BTBD9: variants seen among roughly 807,000 people sequenced by gnomAD.
The protein encoded by BTBD9 is BTB domain containing 9, also known as BTB/POZ domain-containing protein 9.
BTBD9 carries 49 observed loss-of-function variants against 64.3 expected under a neutral mutation model. The observed-to-expected ratio is 0.76, with a 90% CI of 0.61 to 0.97. BTBD9 has a LOEUF of 0.97. BTBD9 is among the 50% of genes least tolerant of loss of function. The pLI is 0.00. For synonymous variants in BTBD9, 260 were observed against 274.7 expected, an observed-to-expected ratio of 0.95 and a Z score of 0.53; for missense variants, 598 against 762.1, an observed-to-expected ratio of 0.78 and a Z score of 2.53.
rs553382450 is a variant in BTBD9, at chr6:38,235,585, G to A, written c.1562+20824C>T. Among the ~76,000 whole-genome samples the A allele has an allele frequency of 1.1e-3, 169 of 152,274 alleles. 2 individuals carry two copies. Among genetic ancestry groups the A allele is most frequent in the African/African-American group, 3.7e-3 (153 of 41,548 alleles). On this transcript the variant is annotated intron_variant, in intron 9 of 10. Transcript: ENST00000481247. ...ATAGGGAGGGGTCAGTGACAAAGAT[G>A]AGCTTGACGTGCTCATCTTAGCAGC...
rs542605561 is a variant in BTBD9 at position 38,458,400 on chromosome 6, C to A, written c.1155-113307G>T. The stretch of plus-strand genomic sequence containing the variant: ...ACGCAAAAGGACCCAGTAGTCCCTG[C>A]ACTGCTGCCCTACATTCCTTCCACA... On this transcript the variant is annotated intron_variant, in intron 6 of 10. Coordinates refer to ENST00000481247, the MANE Select transcript of BTBD9 (RefSeq NM_001099272.2). 3.9e-5 allele frequency among the ~76,000 whole-genome samples: 6 copies of A among 152,308 alleles called. No individual in the cohort carries two copies. In the South Asian group the frequency reaches 8.3e-4, roughly 21 times the overall value.
At chr6:38,259,265 G>C (rs1047773851) in intron 8 of BTBD9, among the ~76,000 whole-genome samples, 1 of 152,124 alleles carries the variant, frequency 6.6e-6, no homozygotes, top group South Asian at 2.1e-4. Flanking sequence ...AAAGTAGCTT[G>C]TATTATTTTC....
rs544326114 is a variant in BTBD9, at chr6:38,555,401, A to G, written c.1154+22199T>C. Among the ~76,000 whole-genome samples the G allele has an allele frequency of 5.9e-5, 9 of 152,372 alleles. No homozygotes were observed. In the South Asian group the frequency reaches 1.9e-3, roughly 32 times the overall value. ...GACATTTAAAGTGAATTCACTTGAA[A>G]TAACGACCAAAATTCCATAGTGAAT... On this transcript the variant is annotated intron_variant, in intron 6 of 10. Transcript: ENST00000481247.
chr6:38,226,670 G>T (rs1283506478), intron 9 of BTBD9, among the ~76,000 whole-genome samples: 1 of 152,210 alleles, frequency 6.6e-6, no homozygotes, highest in African/African-American at 2.4e-5. Flanking sequence ...TATTAAAAAT[G>T]CTCAAACCTG....
At chr6:38,263,700 G>A (rs1033417150) in intron 8 of BTBD9, among the ~76,000 whole-genome samples, 2 of 152,198 alleles carry the variant, frequency 1.3e-5, no homozygotes, top group African/African-American at 4.8e-5. Flanking sequence ...GTGCAGTCCA[G>A]GGAGGGCTAC....
intron 1 of BTBD9, among the ~76,000 whole-genome samples, chr6:38,602,543 G>C (rs1038892171): frequency 1.3e-5 from 2 of 151,682 alleles, no homozygotes; most frequent in Non-Finnish European, 2.9e-5. Flanking sequence ...GTTAACCAAG[G>C]GTTAAGTCAC....
chr6:38,466,283 CTTTTTTTTTTTTTTTTT>C (rs67769669), intron 6 of BTBD9, among the ~76,000 whole-genome samples: 1 of 44,068 alleles, frequency 2.3e-5, no homozygotes, highest in South Asian at 1.0e-3. Context: ...CTTCCTTTTC[CTTTTTTTTTTTTTTTTT>C]TTTTTTTTTT....
At chr6:38,330,096 C>A (rs995027487) in intron 7 of BTBD9, among the ~76,000 whole-genome samples, 1 of 151,614 alleles carries the variant, frequency 6.6e-6, no homozygotes, top group Non-Finnish European at 1.5e-5. Context: ...GCTCTGTCAC[C>A]CAGGCTGGAG....
At chr6:38,320,477 G>A (rs193118184) in intron 7 of BTBD9, among the ~76,000 whole-genome samples, 428 of 152,046 alleles carry the variant, frequency 2.8e-3, no homozygotes, top group Middle Eastern at 0.027. Context: ...TTAATTATGC[G>A]GGAGGAAAAC....
At chr6:38,426,020 A>C (rs554337144) in intron 6 of BTBD9, among the ~76,000 whole-genome samples, 1 of 151,836 alleles carries the variant, frequency 6.6e-6, no homozygotes, top group Non-Finnish European at 1.5e-5. Context: ...TACGTGTGTC[A>C]TAATTCTTGA....
chr6:38,303,857 A>ATATATATATATACACACACACATGTG (rs1310790751), intron 7 of BTBD9, among the ~76,000 whole-genome samples: 2 of 120,298 alleles, frequency 1.7e-5, no homozygotes, highest in East Asian at 5.6e-4. Flanking sequence ...ATATATATAT[A>ATATATATATATACACACACACATGTG]TATATATATA....
At chr6:38,290,303 G>A (rs1582172944) in intron 7 of BTBD9, among the ~76,000 whole-genome samples, 1 of 151,490 alleles carries the variant, frequency 6.6e-6, no homozygotes, top group African/African-American at 2.4e-5. Context: ...GGAGCTCAGA[G>A]AGAAGCTCCC....
At chr6:38,487,360 C>A (rs1234254872) in intron 6 of BTBD9, among the ~76,000 whole-genome samples, 1 of 152,112 alleles carries the variant, frequency 6.6e-6, no homozygotes, top group African/African-American at 2.4e-5. Flanking sequence ...GAGGGCAGAT[C>A]ACTTGAATTC....
intron 6 of BTBD9, among the ~76,000 whole-genome samples, chr6:38,461,928 A>G (rs752816177): frequency 7.9e-5 from 12 of 152,194 alleles, no homozygotes; most frequent in Non-Finnish European, 1.8e-4. Flanking sequence ...ATCTAATGGC[A>G]TTGAATATCT....
chr6:38,223,885 A>G (rs1763299850), intron 9 of BTBD9, among the ~76,000 whole-genome samples: 1 of 150,828 alleles, frequency 6.6e-6, no homozygotes, highest in Admixed American at 6.6e-5. Context: ...ACTTCTTTCT[A>G]TAGTTTTTTT....
intron 7 of BTBD9, among the ~76,000 whole-genome samples, chr6:38,290,592 G>A (rs953751960): frequency 5.9e-5 from 9 of 152,094 alleles, no homozygotes; most frequent in African/African-American, 2.2e-4. Context: ...TCTGCTCATT[G>A]TATCACTCAG....
intron 1 of BTBD9, among the ~76,000 whole-genome samples, chr6:38,606,186 G>C (rs1777426022): frequency 6.6e-6 from 1 of 152,162 alleles, no homozygotes; most frequent in Non-Finnish European, 1.5e-5. Context: ...TACTTTTGAA[G>C]TTTTCAGACT....
At chr6:38,550,337 G>A (rs1201577252) in intron 6 of BTBD9, among the ~76,000 whole-genome samples, 1 of 133,384 alleles carries the variant, frequency 7.5e-6, no homozygotes, top group African/African-American at 2.9e-5. Flanking sequence ...TTTTTTTTGA[G>A]ATGTTGCCTC....
At chr6:38,484,155 C>T (rs1254968737) in intron 6 of BTBD9, among the ~76,000 whole-genome samples, 1 of 152,176 alleles carries the variant, frequency 6.6e-6, no homozygotes, top group East Asian at 1.9e-4. Flanking sequence ...TGCTCTTCAA[C>T]TGTAGACATG....
Sources: allele counts gnomAD v4.1 joint callset (sites outside exome capture counted in the v4.1 genomes callset), GRCh38; gene constraint gnomAD v4.1.1; transcripts MANE v1.5; gene names NCBI Gene and HGNC (gene_info 2026-07-23, HGNC 2026-07-21).